Variants in GABRR1 observed in about 807,000 individuals in gnomAD.
GABRR1 encodes the protein gamma-aminobutyric acid receptor subunit rho-1.
In GABRR1, 59 loss-of-function variants were observed where a neutral mutation model predicts 55.5. The ratio of observed to expected loss-of-function variants is 1.06; its 90% CI spans 0.86 to 1.32. The LOEUF is 1.32. Ranked by LOEUF, GABRR1 falls within the 40% of genes most tolerant of loss-of-function variation. The probability of loss-of-function intolerance (pLI) is 0.00; values close to 1 mark genes in which losing one functional copy is unlikely to be tolerated. For missense variants in GABRR1, 602 were observed against 619.1 expected (o/e 0.97, Z 0.29); for synonymous variants, 213 against 226.0 (o/e 0.94, Z 0.51).
intron 4 of GABRR1, 57 bp downstream of exon 4, chr6:89,199,305 G>A (rs1446180257): frequency 6.7e-7 from 1 of 1,493,886 alleles, no homozygotes; most frequent in African/African-American, 1.4e-5. Context: ...GGAGCTCCTG[G>A]CCCTGGACCG....
At chr6:89,191,465 G>A (rs1772085216) in intron 5 of GABRR1, among the ~76,000 whole-genome samples, 1 of 152,186 alleles carries the variant, frequency 6.6e-6, no homozygotes, top group Non-Finnish European at 1.5e-5. Context: ...GCCCAATGAA[G>A]GAAATGTTTT....
chr6:89,222,863 A>T (rs1295429800), intron 1 of GABRR1, among the ~76,000 whole-genome samples: 1 of 152,216 alleles, frequency 6.6e-6, no homozygotes, highest in East Asian at 1.9e-4. Flanking sequence ...TGGTCTGAAC[A>T]CACCCAGCCC....
chr6:89,206,710 G>T (rs1167566934), intron 1 of GABRR1, among the ~76,000 whole-genome samples: 3 of 151,320 alleles, frequency 2.0e-5, no homozygotes, highest in Non-Finnish European at 4.4e-5. Context: ...CAACCTCCTA[G>T]GCTAAAGCAA....
In GABRR1 at chr6:89,178,688, A is replaced by C; in HGVS notation, c.*82T>G. ...TGGGTCCTGGGATTTTTTTTTAACC[A>C]TATCCTTAAATACTTTTTCATTATA... On this transcript the variant is annotated 3_prime_UTR_variant, in exon 10 of 10. Coordinates refer to ENST00000454853, the MANE Select transcript of GABRR1 (RefSeq NM_002042.5). 2 of 1,269,700 alleles carry C rather than the reference A, an allele frequency of 1.6e-6. No individual in the cohort carries two copies. The highest frequency in any genetic ancestry group is 2.0e-5 in the Admixed American group (1 of 49,410). The allele number at this position is 1,269,700 out of a possible 1,614,324, so 78.7% of individuals were successfully genotyped here. A position where few individuals can be genotyped will look rare whatever the true frequency, so the allele number is the denominator to read the frequency against.
intron 3 of GABRR1, 56 bp downstream of exon 3, chr6:89,201,103 G>C (rs1187318919): frequency 7.5e-7 from 1 of 1,337,958 alleles, no homozygotes; most frequent in Non-Finnish European, 1.1e-6. Flanking sequence ...CTAATTTCCT[G>C]CCCACAGACA....
At chr6:89,201,648 A>G (rs528056912) in intron 2 of GABRR1, among the ~76,000 whole-genome samples, 13 of 152,120 alleles carry the variant, frequency 8.5e-5, no homozygotes, top group East Asian at 3.9e-4. Context: ...GCGTGGTGGC[A>G]GGCGCCTGTG....
intron 4 of GABRR1, among the ~76,000 whole-genome samples, 171 bp downstream of exon 4, chr6:89,199,191 C>T (rs915529537): frequency 6.6e-6 from 1 of 152,098 alleles, no homozygotes; most frequent in African/African-American, 2.4e-5. Context: ...CTGTTTCATA[C>T]CAATTGGGTG....
In GABRR1 at chr6:89,177,520, C is replaced by T. The variant is rs1176066854; in HGVS notation, c.*1250G>A. The T allele has an allele frequency of 2.0e-5, 3 of 152,174 alleles. No homozygotes were observed. Among genetic ancestry groups the T allele is most frequent in the Non-Finnish European group, 4.4e-5 (3 of 68,038 alleles). 9.4% of individuals were successfully genotyped at this position (152,174 alleles called of 1,614,324 possible). A position where few individuals can be genotyped will look rare whatever the true frequency, so the allele number is the denominator to read the frequency against. On this transcript the variant is annotated 3_prime_UTR_variant, in exon 10 of 10. Coordinates refer to ENST00000454853, the MANE Select transcript of GABRR1 (RefSeq NM_002042.5). ...ATGACATTATTGTGTATATAATTCACTTTATTAAAGTGAGTTTCAAATAAA... is the reference window on the plus strand; with the variant it reads ...ATGACATTATTGTGTATATAATTCATTTTATTAAAGTGAGTTTCAAATAAA...
chr6:89,217,176 C>A (rs778961323), intron 1 of GABRR1, 25 bp downstream of exon 1: 24 of 1,611,918 alleles, frequency 1.5e-5, no homozygotes, highest in Non-Finnish European at 2.0e-5. Flanking sequence ...TTTCCTAAAT[C>A]CTCTATCCCT....
At chr6:89,219,664 AT>A (rs1029422848), upstream of GABRR1, among the ~76,000 whole-genome samples, 3 of 152,192 alleles carry the variant, frequency 2.0e-5, no homozygotes, top group African/African-American at 7.2e-5. Context: ...CTATTTTACA[AT>A]TCTGTAATAG....
At chr6:89,197,226 G>C (rs1772324196) in intron 5 of GABRR1, among the ~76,000 whole-genome samples, 1 of 152,202 alleles carries the variant, frequency 6.6e-6, no homozygotes, top group Non-Finnish European at 1.5e-5. Context: ...CTTATACACT[G>C]ATGTGTGGAT....
intron 1 of GABRR1, among the ~76,000 whole-genome samples, chr6:89,209,469 C>A (rs1229985548): frequency 6.6e-6 from 1 of 152,128 alleles, no homozygotes; most frequent in African/African-American, 2.4e-5. Context: ...TGCCTAAAAA[C>A]AAAAACAAAA....
chr6:89,208,733 A>G (rs1772730702), intron 1 of GABRR1, among the ~76,000 whole-genome samples: 1 of 152,208 alleles, frequency 6.6e-6, no homozygotes. Flanking sequence ...GGCAGCCCCC[A>G]CAAATGTGTG....
In GABRR1 at chr6:89,180,522, T is replaced by C. The variant is rs148675578; in HGVS notation, c.950-34A>G. The C allele has an allele frequency of 2.8e-3, 4,493 of 1,605,464 alleles. 7 individuals carry two copies. Among genetic ancestry groups the C allele is most frequent in the Middle Eastern group, 7.7e-3 (46 of 5,994 alleles). On this transcript the variant is annotated intron_variant, in intron 8 of 9. Coordinates refer to ENST00000454853, the MANE Select transcript of GABRR1 (RefSeq NM_002042.5). ...ACAAGAATGAGAAACAAGTGTTTGC[T>C]TGTCTTTCACCAAACACAGGATGGT...
chr6:89,197,032 T>C (rs1230950159), intron 5 of GABRR1, among the ~76,000 whole-genome samples: 6 of 152,084 alleles, frequency 3.9e-5, no homozygotes, highest in Non-Finnish European at 7.4e-5. Flanking sequence ...GCATTAAAGA[T>C]GAAAACCCCA....
chr6:89,205,044 C>T (rs11756847), intron 1 of GABRR1, among the ~76,000 whole-genome samples: 28,133 of 152,172 alleles, frequency 0.18, 3,146 homozygotes, highest in South Asian at 0.27. Context: ...TCTAACACTG[C>T]TTGAGCACTT....
chr6:89,179,185 T>A, intron 9 of GABRR1, 122 bp from the exon 10 acceptor site: 2 of 988,032 alleles, frequency 2.0e-6, no homozygotes, highest in Non-Finnish European at 2.9e-6. Context: ...GGGAAGAGGG[T>A]AGGTATCCTG....
intron 1 of GABRR1, among the ~76,000 whole-genome samples, chr6:89,223,489 T>C (rs961711415): frequency 6.6e-6 from 1 of 152,202 alleles, no homozygotes; most frequent in Non-Finnish European, 1.5e-5. Flanking sequence ...TTGCAGCTGG[T>C]AATTGTGCTG....
chr6:89,184,376 C>T (rs748629744), intron 7 of GABRR1, among the ~76,000 whole-genome samples: 8 of 151,430 alleles, frequency 5.3e-5, no homozygotes, highest in Non-Finnish European at 8.8e-5. Flanking sequence ...AGCTATTTAG[C>T]GCAGGCAAGC....
Sources: gnomAD v4.1 joint callset for allele counts (sites outside exome capture counted in the v4.1 genomes callset) on GRCh38, gnomAD v4.1.1 for gene constraint, MANE v1.5 for transcripts, NCBI Gene and HGNC (gene_info 2026-07-23, HGNC 2026-07-21) for gene names.